Variants in HTR1E observed in about 807,000 individuals in gnomAD.
The protein encoded by HTR1E is 5-hydroxytryptamine receptor 1E, also known as 5-HT-1E.
A neutral mutation model predicts 3.4 loss-of-function variants in HTR1E; 3 were observed. The ratio of observed to expected loss-of-function variants is 0.89; its 90% CI spans 0.41 to 2.31. HTR1E has a LOEUF of 2.31. HTR1E is among the 30% of genes most tolerant of loss of function. HTR1E has a pLI of 0.05. For missense variants in HTR1E, 392 were observed against 467.0 expected, an observed-to-expected ratio of 0.84 and a Z score of 1.48; for synonymous variants, 170 against 182.8, an observed-to-expected ratio of 0.93 and a Z score of 0.56.
intron 1 of HTR1E, among the ~76,000 whole-genome samples, chr6:86,984,747 ATCT>A (rs1767760048): frequency 1.3e-5 from 2 of 152,150 alleles, no homozygotes; most frequent in South Asian, 2.1e-4. Context: ...GGGTCTCATA[ATCT>A]TCTGCATTTT....
At chr6:86,992,453 C>T (rs996584819) in intron 1 of HTR1E, among the ~76,000 whole-genome samples, 5 of 152,142 alleles carry the variant, frequency 3.3e-5, no homozygotes, top group East Asian at 1.9e-4. Flanking sequence ...CAAAGAACGA[C>T]GTGAACTGGA....
chr6:86,997,250 G>A (rs895445200), intron 1 of HTR1E, among the ~76,000 whole-genome samples: 1 of 151,794 alleles, frequency 6.6e-6, no homozygotes, highest in Admixed American at 6.6e-5. Context: ...TCTTAATAGA[G>A]AATAACTAAA....
At chr6:87,011,832 A>G (rs1768242039) in intron 1 of HTR1E, among the ~76,000 whole-genome samples, 1 of 152,184 alleles carries the variant, frequency 6.6e-6, no homozygotes, top group Admixed American at 6.5e-5. Context: ...AAAAAAGGAA[A>G]AGAGAGCTTT....
intron 1 of HTR1E, among the ~76,000 whole-genome samples, chr6:86,974,415 T>C (rs1191485001): frequency 6.6e-6 from 1 of 152,208 alleles, no homozygotes; most frequent in Non-Finnish European, 1.5e-5. Context: ...TTTAATCTCA[T>C]TCAATCTGGA....
chr6:87,009,198 G>A (rs1429940576), intron 1 of HTR1E, among the ~76,000 whole-genome samples: 1 of 150,384 alleles, frequency 6.6e-6, no homozygotes, highest in Non-Finnish European at 1.5e-5. Flanking sequence ...CCTAGGCAGA[G>A]GACCCTGCGG....
intron 1 of HTR1E, among the ~76,000 whole-genome samples, chr6:86,962,136 G>T (rs1160248629): frequency 1.3e-5 from 2 of 152,144 alleles, no homozygotes; most frequent in African/African-American, 4.8e-5. Context: ...TAAGATTTTT[G>T]TTTGAACATT....
intron 1 of HTR1E, among the ~76,000 whole-genome samples, chr6:86,964,718 A>T (rs1767451986): frequency 6.6e-6 from 1 of 152,248 alleles, no homozygotes; most frequent in Admixed American, 6.5e-5. Flanking sequence ...TAAAATAATG[A>T]TCCACAGTAC....
intron 1 of HTR1E, among the ~76,000 whole-genome samples, chr6:86,955,321 A>T (rs989380869): frequency 1.3e-5 from 2 of 152,216 alleles, no homozygotes; most frequent in Non-Finnish European, 2.9e-5. Context: ...TTATCAGATC[A>T]AATGAGACGC....
intron 1 of HTR1E, among the ~76,000 whole-genome samples, chr6:87,013,753 T>C (rs1402722402): frequency 1.3e-5 from 2 of 152,046 alleles, no homozygotes; most frequent in Non-Finnish European, 1.5e-5. Flanking sequence ...ACATTTAAAA[T>C]TTTGTGATGT....
Position 86,937,787 on chromosome 6 carries a change from T to C in HTR1E, c.-222T>C, listed in dbSNP as rs1768490283. The stretch of plus-strand genomic sequence containing the variant: ...CTGGAGCCAGCTGGACGTGCCGGTT[T>C]GCCCAGTGCGGCGCGGCTGCACGCA... On this transcript the variant is annotated 5_prime_UTR_variant, in exon 1 of 2. Coordinates refer to ENST00000305344, the MANE Select transcript of HTR1E (RefSeq NM_000865.3). The C allele has an allele frequency of 6.5e-6, 1 of 152,892 alleles. No homozygotes were observed. Among genetic ancestry groups the C allele is most frequent in the Non-Finnish European group, 1.5e-5 (1 of 68,214 alleles). The allele number at this position is 152,892 out of a possible 1,614,324, so 9.5% of individuals were successfully genotyped here.
chr6:86,967,175 A>G (rs752899160), intron 1 of HTR1E, among the ~76,000 whole-genome samples: 6 of 152,202 alleles, frequency 3.9e-5, no homozygotes, highest in Non-Finnish European at 7.3e-5. Context: ...CCCCCATGGC[A>G]TATCACAAAA....
chr6:86,941,091 TC>T (rs1341342372), intron 1 of HTR1E, among the ~76,000 whole-genome samples: 4 of 152,244 alleles, frequency 2.6e-5, no homozygotes, highest in African/African-American at 4.8e-5. Flanking sequence ...TGTTTTCTCC[TC>T]CCTGAATCAT....
intron 1 of HTR1E, among the ~76,000 whole-genome samples, chr6:86,968,621 A>C (rs1358940222): frequency 6.6e-6 from 1 of 151,302 alleles, no homozygotes; most frequent in Non-Finnish European, 1.5e-5. Flanking sequence ...TTTTCTGTGA[A>C]CTCTATTTAT....
intron 1 of HTR1E, among the ~76,000 whole-genome samples, chr6:87,011,388 G>A (rs1372039608): frequency 1.3e-5 from 2 of 152,190 alleles, no homozygotes; most frequent in African/African-American, 4.8e-5. Flanking sequence ...AGAAAGGCAA[G>A]TATACCCTGG....
intron 1 of HTR1E, among the ~76,000 whole-genome samples, chr6:86,956,295 A>G (rs1767323446): frequency 6.6e-6 from 1 of 152,106 alleles, no homozygotes; most frequent in Non-Finnish European, 1.5e-5. Flanking sequence ...GGAACCTTTA[A>G]AAGTCTGATA....
At chr6:87,009,877 C>CG (rs1272941740) in intron 1 of HTR1E, among the ~76,000 whole-genome samples, 1 of 112,830 alleles carries the variant, frequency 8.9e-6, no homozygotes, top group Non-Finnish European at 1.8e-5. Context: ...GCTGGCCGGG[C>CG]GGGGGGCCGA....
At chr6:87,000,907 TAATC>T (rs2127830193) in intron 1 of HTR1E, among the ~76,000 whole-genome samples, 1 of 152,332 alleles carries the variant, frequency 6.6e-6, no homozygotes, top group South Asian at 2.1e-4. Flanking sequence ...GATTAAGAGA[TAATC>T]TATCAGAAAT....
chr6:86,956,955 G>C (rs1192824399), intron 1 of HTR1E, among the ~76,000 whole-genome samples: 1 of 152,092 alleles, frequency 6.6e-6, no homozygotes, highest in Non-Finnish European at 1.5e-5. Context: ...TATAAGGTTA[G>C]GTTTTGTTTA....
chr6:86,978,400 T>C (rs1308977200), intron 1 of HTR1E, among the ~76,000 whole-genome samples: 1 of 152,138 alleles, frequency 6.6e-6, no homozygotes, highest in Admixed American at 6.5e-5. Flanking sequence ...TTTACAATGT[T>C]AAGAACATAC....
Sources: allele counts gnomAD v4.1 joint callset (sites outside exome capture counted in the v4.1 genomes callset), GRCh38; gene constraint gnomAD v4.1.1; transcripts MANE v1.5; gene names NCBI Gene and HGNC (gene_info 2026-07-23, HGNC 2026-07-21).